STK3: variants seen among roughly 807,000 people sequenced by gnomAD.
The protein encoded by STK3 is serine/threonine-protein kinase 3.
Under a neutral mutation model 58.0 loss-of-function variants are expected in STK3, and 41 were observed. That is an observed-to-expected ratio of 0.71 (90% CI 0.55 to 0.92). The LOEUF is 0.92. Among genes scored for constraint, STK3 ranks in the 40% least tolerant of loss-of-function variants. STK3 has a pLI of 0.00. For missense variants in STK3, 479 were observed against 602.7 expected (o/e 0.79, Z 2.15); for synonymous variants, 170 against 191.0 (o/e 0.89, Z 0.91).
At chr8:98,856,179 G>T (rs62532595) in intron 3 of STK3, among the ~76,000 whole-genome samples, 4 of 141,928 alleles carry the variant, frequency 2.8e-5, no homozygotes, top group African/African-American at 1.0e-4. Flanking sequence ...AAAAAAAAAG[G>T]CCATGCAGTA....
In STK3 at chr8:98,940,867, C is replaced by T. The variant is rs1010839650; in HGVS notation, c.-79+1511G>A. On this transcript the variant is annotated intron_variant, in intron 1 of 1. Coordinates refer to the STK3 transcript ENST00000519420. ...AGAAAAGGCTCTGGGGTGGGGGACA[C>T]CATGTGGGGCTCCCACAAAGGACCC... is the stretch of plus-strand genomic sequence containing the variant. Among the ~76,000 whole-genome samples, 4 of 152,258 alleles carry T rather than the reference C, an allele frequency of 2.6e-5. No individual in the cohort carries two copies. In the East Asian group the frequency reaches 7.7e-4, roughly 29 times the overall value.
intron 1 of STK3, among the ~76,000 whole-genome samples, chr8:98,776,495 G>A (rs2131498879): frequency 6.6e-6 from 1 of 152,288 alleles, no homozygotes; most frequent in Non-Finnish European, 1.5e-5. Context: ...AGTGAGCAGG[G>A]TATCCTCAGA....
the STK3 span, among the ~76,000 whole-genome samples, chr8:98,357,117 T>C: frequency 1.3e-5 from 2 of 152,222 alleles, no homozygotes; most frequent in African/African-American, 4.8e-5. Flanking sequence ...CTTCATGCCC[T>C]GAGCTTAAGA....
At chr8:98,672,665 G>T (rs1587249530) in intron 6 of STK3, among the ~76,000 whole-genome samples, 1 of 152,112 alleles carries the variant, frequency 6.6e-6, no homozygotes, top group East Asian at 1.9e-4. Flanking sequence ...CAAAGCAATT[G>T]CCTCAGTAAA....
At chr8:98,834,860 G>T (rs2131793047) in intron 3 of STK3, among the ~76,000 whole-genome samples, 1 of 152,312 alleles carries the variant, frequency 6.6e-6, no homozygotes, top group South Asian at 2.1e-4. Context: ...TAAGTATAGA[G>T]TTTACTCCAG....
At chr8:98,485,326 A>T (rs1822167633) in intron 10 of STK3, among the ~76,000 whole-genome samples, 1 of 152,216 alleles carries the variant, frequency 6.6e-6, no homozygotes, top group African/African-American at 2.4e-5. Context: ...TTTGAATTTT[A>T]TCTAGAACCA....
At chr8:98,596,293 A>AC in intron 6 of STK3, 124 bp from the exon 7 acceptor site, 1 of 1,155,252 alleles carries the variant, frequency 8.7e-7, no homozygotes, top group Non-Finnish European at 1.2e-6. Context: ...CTGTTCTAGG[A>AC]TTTCTAGTAA....
chr8:98,369,535 A>G (rs1817591837), downstream of STK3, among the ~76,000 whole-genome samples: 1 of 152,166 alleles, frequency 6.6e-6, no homozygotes, highest in African/African-American at 2.4e-5. Flanking sequence ...TGAAGGGGAA[A>G]AAAACAAAGG....
chr8:98,706,386 T>C (rs1825962536), intron 6 of STK3, 81 bp downstream of exon 6: 1 of 1,359,320 alleles, frequency 7.4e-7, no homozygotes, highest in Middle Eastern at 1.9e-4. Context: ...ACTTATTTAG[T>C]TTATATTTAC....
intron 1 of STK3, among the ~76,000 whole-genome samples, chr8:98,920,509 A>G (rs932682010): frequency 6.6e-6 from 1 of 152,236 alleles, no homozygotes; most frequent in African/African-American, 2.4e-5. Context: ...ACAGCTGCCA[A>G]AAGCACATTA....
chr8:98,697,071 C>T (rs536831029), intron 6 of STK3, among the ~76,000 whole-genome samples: 2 of 152,270 alleles, frequency 1.3e-5, no homozygotes, highest in Non-Finnish European at 2.9e-5. Flanking sequence ...CAACTTCTTC[C>T]TGGTTTAATC....
chr8:98,805,164 T>A (rs1017084033), intron 1 of STK3, among the ~76,000 whole-genome samples: 1 of 152,212 alleles, frequency 6.6e-6, no homozygotes, highest in African/African-American at 2.4e-5. Context: ...ACAAAACTCA[T>A]AACTAACTGC....
chr8:98,613,944 G>C (rs575131868), intron 6 of STK3, among the ~76,000 whole-genome samples: 101 of 152,090 alleles, frequency 6.6e-4, no homozygotes, highest in African/African-American at 2.3e-3. Context: ...AATTACCAGA[G>C]ACAGAGAGGG....
At chr8:98,790,945 T>C (rs1159890234) in intron 1 of STK3, among the ~76,000 whole-genome samples, 3 of 151,722 alleles carry the variant, frequency 2.0e-5, no homozygotes, top group Non-Finnish European at 2.9e-5. Flanking sequence ...GATCGCGCCA[T>C]TGCACTCCAG....
At chr8:98,649,700 A>C (rs1820721239) in intron 6 of STK3, among the ~76,000 whole-genome samples, 1 of 152,212 alleles carries the variant, frequency 6.6e-6, no homozygotes, top group Admixed American at 6.5e-5. Flanking sequence ...TTTCTTAGTC[A>C]ACAAGTATGA....
chr8:98,885,770 T>C (rs1283076576), intron 1 of STK3, among the ~76,000 whole-genome samples: 5 of 152,210 alleles, frequency 3.3e-5, no homozygotes, highest in South Asian at 2.1e-4. Context: ...AGAAAAGCAT[T>C]GCATTTATTT....
intron 2 of STK3, among the ~76,000 whole-genome samples, chr8:98,772,624 G>T (rs922542830): frequency 6.6e-6 from 1 of 152,020 alleles, no homozygotes; most frequent in African/African-American, 2.4e-5. Flanking sequence ...CCTTGAACCC[G>T]GGAGAAGGAT....
At chr8:98,456,917 C>T (rs891794793) in intron 10 of STK3, among the ~76,000 whole-genome samples, 4 of 152,180 alleles carry the variant, frequency 2.6e-5, no homozygotes, top group Non-Finnish European at 5.9e-5. Context: ...CTTCCAAAAA[C>T]CAAATTCACT....
intron 1 of STK3, among the ~76,000 whole-genome samples, chr8:98,384,558 T>C (rs541302652): frequency 6.6e-6 from 1 of 152,332 alleles, no homozygotes; most frequent in South Asian, 2.1e-4. Flanking sequence ...TTTTTCTTCC[T>C]ACCTCCTACA....
Sources: allele counts gnomAD v4.1 joint callset (sites outside exome capture counted in the v4.1 genomes callset), GRCh38; gene constraint gnomAD v4.1.1; transcripts MANE v1.5; gene names NCBI Gene and HGNC (gene_info 2026-07-23, HGNC 2026-07-21).